The following PXDN variants were observed in gnomAD, a reference collection of about 807,000 sequenced individuals.
The protein encoded by PXDN is peroxidasin homolog.
A neutral mutation model predicts 140.3 loss-of-function variants in PXDN; 77 were observed. That is an observed-to-expected ratio of 0.55 (90% CI 0.46 to 0.66). The LOEUF is 0.66. Ranked by LOEUF, PXDN falls within the 30% of genes least tolerant of loss-of-function variation. The probability of loss-of-function intolerance (pLI) is 0.00; values close to 1 mark genes in which losing one functional copy is unlikely to be tolerated. For missense variants in PXDN, 1,838 were observed against 2,039.5 expected (o/e 0.90, Z 1.90); for synonymous variants, 911 against 857.4 (o/e 1.06, Z -1.09).
chr2:1,701,470 G>A (rs1260182751), intron 1 of PXDN, among the ~76,000 whole-genome samples: 1 of 152,224 alleles, frequency 6.6e-6, no homozygotes, highest in Non-Finnish European at 1.5e-5. Context: ...GGAGAAATGG[G>A]TGCCCAGAGT....
Position 1,649,754 on chromosome 2 carries a change from C to T in PXDN, c.2105-79G>A. ...GGCCCGGTACCCCTTGGCACCTCTG[C>T]CGCTGACATGGGGCTATCTACCCCC... On this transcript the variant is annotated intron_variant, in intron 16 of 22. Transcript: ENST00000252804. The surrounding 1 kb of genome is among the most constrained non-coding windows in gnomAD (Gnocchi z 7.1). 6.7e-7 allele frequency: 1 copy of T among 1,490,916 alleles called. No homozygotes were observed. Among genetic ancestry groups the T allele is most frequent in the Non-Finnish European group, 9.3e-7 (1 of 1,075,838 alleles). 92.4% of individuals were successfully genotyped at this position (1,490,916 alleles called of 1,614,324 possible). A position where few individuals can be genotyped will look rare whatever the true frequency, so the allele number is the denominator to read the frequency against.
intron 21 of PXDN, chr2:1,635,963 C>T: frequency 3.2e-6 from 1 of 310,408 alleles, no homozygotes; most frequent in African/African-American, 2.2e-5. Flanking sequence ...ACCGCTGTGC[C>T]ATGCACAGGG....
intron 1 of PXDN, among the ~76,000 whole-genome samples, chr2:1,737,692 C>T (rs1190080240): frequency 6.6e-6 from 1 of 152,022 alleles, no homozygotes; most frequent in African/African-American, 2.4e-5. Context: ...GCGTGAGCCA[C>T]CACGCCCGGC....
At chr2:1,713,824 G>C (rs543278653) in intron 1 of PXDN, among the ~76,000 whole-genome samples, 5 of 152,236 alleles carry the variant, frequency 3.3e-5, no homozygotes, top group Admixed American at 6.5e-5. Flanking sequence ...GCATCTCCCC[G>C]TAAGTGTCCT....
At chr2:1,689,442 A>G (rs1315114574) in intron 3 of PXDN, among the ~76,000 whole-genome samples, 1 of 152,232 alleles carries the variant, frequency 6.6e-6, no homozygotes, top group East Asian at 1.9e-4. Context: ...AACATGTGTG[A>G]ATGTGTGTTT....
chr2:1,693,012 T>G, intron 2 of PXDN, 51 bp downstream of exon 2: 1 of 1,450,582 alleles, frequency 6.9e-7, no homozygotes, highest in South Asian at 1.2e-5. Flanking sequence ...AGATAAACAA[T>G]GTAATGATTT....
chr2:1,648,894 G>C lies in PXDN; in HGVS notation c.2886C>G (p.Asp962Glu), dbSNP rs760399974. The C allele has an allele frequency of 2.5e-6, 4 of 1,601,984 alleles. No individual in the cohort carries two copies. The highest frequency in any genetic ancestry group is 1.3e-5 in the African/African-American group (1 of 74,664). The change falls in exon 17 of 23, where the codon GAC becomes GAG. Residue 962 changes from aspartate to glutamate, a missense_variant. Around this residue, in one of 5 missense-constraint regions of PXDN, gnomAD observed 850 missense variants for 894.1 expected, o/e 0.95. Coordinates refer to ENST00000252804, the MANE Select transcript of PXDN (RefSeq NM_012293.3). This position sits in a 1 kb window ranked among gnomAD's most constrained non-coding sequence, Gnocchi z 8.9. The stretch of plus-strand genomic sequence containing the variant: ...AGCAGGGGATGGGGCTCTCGTTCTC[G>C]TCCCGCATGCACTCCGTGGGCGGCC... ...ATGPPTECMRDENESPIPCFL... is the reference protein window; with the variant it reads ...ATGPPTECMREENESPIPCFL...
intron 18 of PXDN, 40 bp downstream of exon 18, chr2:1,644,578 G>A (rs1682807262): frequency 6.5e-7 from 1 of 1,548,908 alleles, no homozygotes; most frequent in Non-Finnish European, 8.8e-7. Flanking sequence ...CTAAGAAGGT[G>A]GCTTAGGAGC....
At position 1,663,698 on chromosome 2, in the gene PXDN, C is replaced by T; in HGVS notation, c.1474G>A (p.Val492Ile). The change falls in exon 12 of 23, where the codon GTT becomes ATT. Residue 492 changes from valine to isoleucine, a missense_variant. Coordinates refer to ENST00000252804, the MANE Select transcript of PXDN (RefSeq NM_012293.3). ...LSSGTLRISG[V>I]ALHDQGQYEC... ...TACTGGCCCTGGTCGTGGAGGGCAA[C>T]ACCAGAGATTCTAAGTGTTCCCGAT... 1.9e-6 allele frequency: 3 copies of T among 1,613,888 alleles called. No individual in the cohort carries two copies. The highest frequency in any genetic ancestry group is 1.1e-5 in the South Asian group (1 of 91,084).
Position 1,655,319 on chromosome 2 carries a change from C to G in PXDN, c.1838-811G>C, listed in dbSNP as rs1038159659. 2.6e-5 allele frequency among the ~76,000 whole-genome samples: 4 copies of G among 151,474 alleles called. No homozygotes were observed. The South Asian group carries it at 8.4e-4, about 32-fold the overall frequency. ...CACACATAACACATCACACACACGC[C>G]ACACACAGATACATACCACACACAC... is the stretch of plus-strand genomic sequence containing the variant. On this transcript the variant is annotated intron_variant, in intron 14 of 22. Coordinates refer to ENST00000252804, the MANE Select transcript of PXDN (RefSeq NM_012293.3).
At chr2:1,637,568 A>AG (rs1682596330) in intron 21 of PXDN, among the ~76,000 whole-genome samples, 2 of 117,532 alleles carry the variant, frequency 1.7e-5, no homozygotes, top group African/African-American at 3.4e-5. Context: ...GACAGCTGCC[A>AG]GGCGATGTAC....
At position 1,649,702 on chromosome 2, in the gene PXDN, A is replaced by G; in HGVS notation, c.2105-27T>C. On this transcript the variant is annotated intron_variant, in intron 16 of 22. Transcript: ENST00000252804. The surrounding 1 kb of genome is among the most constrained non-coding windows in gnomAD (Gnocchi z 7.1). The stretch of plus-strand genomic sequence containing the variant: ...TGGGACGTGGAGAAAAGCAAGACGC[A>G]CTCAATTCCCCTGGAGGATGTGTGA... 3 of 1,611,456 alleles carry G rather than the reference A, an allele frequency of 1.9e-6. No individual in the cohort carries two copies. Among genetic ancestry groups the G allele is most frequent in the Non-Finnish European group, 2.5e-6 (3 of 1,178,138 alleles).
At chr2:1,696,922 C>T (rs891152493) in intron 1 of PXDN, among the ~76,000 whole-genome samples, 1 of 152,182 alleles carries the variant, frequency 6.6e-6, no homozygotes, top group Non-Finnish European at 1.5e-5. Context: ...AGCCAACGTT[C>T]GTTTCAAATA....
intron 1 of PXDN, among the ~76,000 whole-genome samples, chr2:1,711,001 A>G (rs1684757514): frequency 2.2e-5 from 1 of 46,078 alleles, no homozygotes; most frequent in Non-Finnish European, 4.4e-5. Context: ...CACCCACTCC[A>G]CCAGCACCCA....
intron 1 of PXDN, among the ~76,000 whole-genome samples, chr2:1,703,025 A>C (rs2125458940): frequency 1.6e-5 from 1 of 61,038 alleles, no homozygotes; most frequent in East Asian, 4.1e-4. Flanking sequence ...GGACAGCTCC[A>C]GGTGAAGGGG....
Position 1,649,160 on chromosome 2 carries a change from G to GGGCCCCGCTCCT in PXDN, c.2608_2619dup (p.Ser871_Arg874dup). 6.2e-7 allele frequency: 1 copy of GGGCCCCGCTCCT among 1,611,622 alleles called. No homozygotes were observed. The highest frequency in any genetic ancestry group is 1.1e-5 in the South Asian group (1 of 90,972). On this transcript the variant is annotated inframe_insertion, in exon 17 of 23. Coordinates refer to ENST00000252804, the MANE Select transcript of PXDN (RefSeq NM_012293.3). This position sits in a 1 kb window ranked among gnomAD's most constrained non-coding sequence, Gnocchi z 7.1. Reference sequence around the variant, plus strand: ...CTGGAGCGCACGAAGAACATGCAGCGGGCCCCGCTCCTGGCCCGGGAGTCA... The same window carrying GGGCCCCGCTCCT: ...CTGGAGCGCACGAAGAACATGCAGCGGGCCCCGCTCCTGGCCCCGCTCCTGGCCCGGGAGTCA...
At chr2:1,735,865 A>G (rs1685415693) in intron 1 of PXDN, among the ~76,000 whole-genome samples, 1 of 152,212 alleles carries the variant, frequency 6.6e-6, no homozygotes, top group Non-Finnish European at 1.5e-5. Context: ...TTCTTCCCAT[A>G]GAAGGCTGCT....
intron 1 of PXDN, among the ~76,000 whole-genome samples, chr2:1,739,738 A>G (rs1685497553): frequency 6.6e-6 from 1 of 152,142 alleles, no homozygotes; most frequent in African/African-American, 2.4e-5. Flanking sequence ...TCTTCTGGCC[A>G]CAGAACACAG....
chr2:1,656,226 TC>T (rs1181870126), intron 14 of PXDN, among the ~76,000 whole-genome samples: 1 of 152,128 alleles, frequency 6.6e-6, no homozygotes, highest in African/African-American at 2.4e-5. Flanking sequence ...TCTTTCTAGT[TC>T]CCTCTTGTCA....
Sources: allele counts gnomAD v4.1 joint callset (sites outside exome capture counted in the v4.1 genomes callset), GRCh38; gene constraint gnomAD v4.1.1; regional missense constraint gnomAD v4.1.1; non-coding constraint Gnocchi (gnomAD v3.1); transcripts MANE v1.5; gene names NCBI Gene and HGNC (gene_info 2026-07-23, HGNC 2026-07-21).